Variants in ITGA1 observed in about 807,000 individuals in gnomAD.
ITGA1 encodes integrin subunit alpha 1.
ITGA1 carries 85 observed loss-of-function variants against 145.9 expected under a neutral mutation model. The observed-to-expected ratio is 0.58, with a 90% CI of 0.49 to 0.70. ITGA1 has a LOEUF of 0.70. ITGA1 is among the 30% of genes least tolerant of loss of function. The pLI is 0.00. For missense variants in ITGA1, 1,351 were observed against 1,418.7 expected (o/e 0.95, Z 0.77); for synonymous variants, 520 against 495.3 (o/e 1.05, Z -0.66).
At chr5:52,892,813 C>T (rs1352259454) in intron 8 of ITGA1, among the ~76,000 whole-genome samples, 3 of 151,756 alleles carry the variant, frequency 2.0e-5, no homozygotes, top group Non-Finnish European at 4.4e-5. Context: ...GATTATTTAT[C>T]GGTGGTTGCC....
chr5:52,909,214 A>T (rs1658221699), intron 13 of ITGA1, among the ~76,000 whole-genome samples, 173 bp downstream of exon 13: 1 of 152,128 alleles, frequency 6.6e-6, no homozygotes, highest in Admixed American at 6.6e-5. Context: ...AATTCTAATA[A>T]AGTAGCTCCA....
intron 1 of ITGA1, 77 bp from the exon 2 acceptor site, chr5:52,849,288 A>G: frequency 7.8e-7 from 1 of 1,277,406 alleles, no homozygotes; most frequent in Non-Finnish European, 1.1e-6. Context: ...GGTAACCTTA[A>G]CCATGCCTTC....
At chr5:52,918,617 C>T (rs1006232844) in intron 15 of ITGA1, 115 bp from the exon 16 acceptor site, 20 of 851,092 alleles carry the variant, frequency 2.3e-5, no homozygotes, top group African/African-American at 1.4e-4. Flanking sequence ...GAGTCCTGAG[C>T]GCTGTATTAT....
Position 52,815,874 on chromosome 5 carries a change from G to A in ITGA1, c.61+27460G>A, listed in dbSNP as rs114212139. 6.7e-3 allele frequency among the ~76,000 whole-genome samples: 1,023 copies of A among 152,298 alleles called. 12 individuals are homozygous for A. Among genetic ancestry groups the A allele is most frequent in the African/African-American group, 0.023 (970 of 41,562 alleles). ...ATAAAATTAGTAATAAATAACTACA[G>A]CTGAGTTTATAATCTTAATAAATTA... On this transcript the variant is annotated intron_variant, in intron 1 of 28. Transcript: ENST00000282588.
chr5:52,950,129 G>T (rs1224853161), intron 28 of ITGA1, among the ~76,000 whole-genome samples: 1 of 152,198 alleles, frequency 6.6e-6, no homozygotes, highest in Admixed American at 6.5e-5. Context: ...GAGGAATCTT[G>T]TAGGGGACGT....
chr5:52,856,613 C>G (rs190434535), intron 2 of ITGA1, among the ~76,000 whole-genome samples: 26 of 152,054 alleles, frequency 1.7e-4, no homozygotes, highest in Admixed American at 9.8e-4. Flanking sequence ...AGCCCACCAC[C>G]CTTCTACCTC....
intron 1 of ITGA1, among the ~76,000 whole-genome samples, chr5:52,806,202 T>A (rs1040386484): frequency 7.6e-6 from 1 of 132,272 alleles, no homozygotes; most frequent in Non-Finnish European, 1.6e-5. Context: ...ATTGAATTGA[T>A]TTAGAAATTT....
Position 52,788,452 on chromosome 5 carries a change from C to A in ITGA1, c.61+38C>A, listed in dbSNP as rs376074432. The A allele has an allele frequency of 2.8e-5, 40 of 1,452,128 alleles. No homozygotes were observed. The African/African-American group carries it at 5.5e-4, about 20-fold the overall frequency. 90.0% of individuals were successfully genotyped at this position (1,452,128 alleles called of 1,614,324 possible). A position where few individuals can be genotyped will look rare whatever the true frequency, so the allele number is the denominator to read the frequency against. ...CTTTTCTCTGAGCATCTCCTGCTCG[C>A]GGGCTTGGGGCTTGGAGCGGGGAGG... On this transcript the variant is annotated intron_variant, in intron 1 of 28. Coordinates refer to ENST00000282588, the MANE Select transcript of ITGA1 (RefSeq NM_181501.2).
intron 1 of ITGA1, among the ~76,000 whole-genome samples, chr5:52,819,123 T>C (rs919709192): frequency 6.6e-6 from 1 of 152,224 alleles, no homozygotes; most frequent in African/African-American, 2.4e-5. Context: ...GCATGTGTCT[T>C]TATAGCAGCA....
At chr5:52,849,957 C>T (rs13357745) in intron 2 of ITGA1, among the ~76,000 whole-genome samples, 1,762 of 151,386 alleles carry the variant, frequency 0.012, 38 homozygotes, top group African/African-American at 0.041. Flanking sequence ...TTTCTGGTAT[C>T]TACCTTCAAA....
chr5:52,789,083 T>G (rs1748187586), intron 1 of ITGA1, among the ~76,000 whole-genome samples: 1 of 152,226 alleles, frequency 6.6e-6, no homozygotes, highest in South Asian at 2.1e-4. Flanking sequence ...AAATGTGTAT[T>G]TTTAAGGAGG....
chr5:52,791,241 C>A (rs1748232513), intron 1 of ITGA1, among the ~76,000 whole-genome samples: 2 of 152,070 alleles, frequency 1.3e-5, no homozygotes, highest in African/African-American at 4.8e-5. Context: ...TTTAGAGAGG[C>A]CTTAAAGGAA....
rs750111849 is a variant in ITGA1 at position 52,937,497 on chromosome 5, G to A, written c.3061G>A (p.Gly1021Arg). Residue 1021 changes from glycine (G) to arginine (R), a missense_variant, in exon 24 of 29, where the codon GGA (glycine) becomes AGA (arginine). Gly to Arg is a moderately radical substitution (Grantham distance 125). Transcript: ENST00000282588. ...SNGYPVLYPT[G>R]LSSSENANCR... ...TGGTTACCCTGTGCTGTACCCAACTGGATTGTCATCTTCTGAGGTAAGTCA... is the reference window on the plus strand; with the variant it reads ...TGGTTACCCTGTGCTGTACCCAACTAGATTGTCATCTTCTGAGGTAAGTCA... 3 of 1,604,678 alleles carry A rather than the reference G, an allele frequency of 1.9e-6. No individual in the cohort carries two copies.
chr5:52,884,235 G>A (rs968058336), intron 7 of ITGA1, among the ~76,000 whole-genome samples: 1 of 152,064 alleles, frequency 6.6e-6, no homozygotes, highest in African/African-American at 2.4e-5. Flanking sequence ...CCTGAGGTCA[G>A]GAGTTCGAGA....
intron 8 of ITGA1, chr5:52,889,534 G>GT (rs917841231): frequency 7.9e-5 from 12 of 151,872 alleles, no homozygotes; most frequent in African/African-American, 2.7e-4. Flanking sequence ...CAAACTATCA[G>GT]TTTTTTAATC....
chr5:52,869,498 C>G (rs1440531105), intron 6 of ITGA1, among the ~76,000 whole-genome samples: 1 of 152,090 alleles, frequency 6.6e-6, no homozygotes, highest in Admixed American at 6.5e-5. Flanking sequence ...TTGAGAAACA[C>G]TGGACTAAGG....
Position 52,910,222 on chromosome 5 carries a change from C to T in ITGA1, c.1660C>T (p.Gln554Ter). The T allele has an allele frequency of 6.2e-7, 1 of 1,613,890 alleles. No homozygotes were observed. Among genetic ancestry groups the T allele is most frequent in the Non-Finnish European group, 8.5e-7 (1 of 1,179,852 alleles). Reference sequence around the variant, plus strand: ...TAAGCAGACGTGCTGTTCATCTCGGCAGCACAATTCATGCACAACAGAAAA... The same window carrying T: ...TAAGCAGACGTGCTGTTCATCTCGGTAGCACAATTCATGCACAACAGAAAA... Reference protein sequence around the residue: ...PIKQTCCSSRQHNSCTTENKN... With the variant: ...PIKQTCCSSR Residue 554 changes from glutamine (Q) to a stop codon, truncating the protein, a stop_gained, in exon 14 of 29, where the codon CAG becomes TAG. Transcript: ENST00000282588. LOFTEE classifies it high-confidence loss of function.
intron 13 of ITGA1, 151 bp from the exon 14 acceptor site, chr5:52,910,011 C>T (rs769432530): frequency 7.2e-6 from 5 of 690,350 alleles, no homozygotes; most frequent in Non-Finnish European, 9.8e-6. Context: ...TAACTTTACT[C>T]TCAGATAGGC....
chr5:52,864,736 C>A, intron 3 of ITGA1, 27 bp from the exon 4 acceptor site: 1 of 1,410,008 alleles, frequency 7.1e-7, no homozygotes. Context: ...ACTTTTCCTC[C>A]CTCATAAAAT....
Sources: gnomAD v4.1 joint callset for allele counts (sites outside exome capture counted in the v4.1 genomes callset) on GRCh38, gnomAD v4.1.1 for gene constraint, MANE v1.5 for transcripts, NCBI Gene and HGNC (gene_info 2026-07-23, HGNC 2026-07-21) for gene names.